Variants in COL27A1 observed in about 807,000 individuals in gnomAD.
The protein encoded by COL27A1 is collagen type XXVII alpha 1 chain.
Under a neutral mutation model 251.3 loss-of-function variants are expected in COL27A1, and 106 were observed. The observed-to-expected ratio is 0.42, with a 90% CI of 0.36 to 0.50. The LOEUF (loss-of-function observed/expected upper bound fraction) is 0.50. COL27A1 is among the 20% of genes least tolerant of loss of function. The pLI is 0.00. For synonymous variants in COL27A1, 1,000 were observed against 986.3 expected (o/e 1.01, Z -0.26); for missense variants, 2,325 against 2,522.8 (o/e 0.92, Z 1.68).
intron 37 of COL27A1, among the ~76,000 whole-genome samples, chr9:114,280,799 C>T (rs1276608342): frequency 6.6e-6 from 1 of 152,194 alleles, no homozygotes; most frequent in East Asian, 1.9e-4. Flanking sequence ...GGGATAGCGT[C>T]ATCTTTTCTG....
chr9:114,211,071 C>T, intron 12 of COL27A1, 45 bp downstream of exon 12: 1 of 1,600,298 alleles, frequency 6.2e-7, no homozygotes, highest in Non-Finnish European at 8.6e-7. Flanking sequence ...GCGGGGAACC[C>T]CACCTCCCAC....
intron 3 of COL27A1, among the ~76,000 whole-genome samples, chr9:114,175,075 C>T (rs12343445): frequency 1.0e-3 from 154 of 146,862 alleles, no homozygotes; most frequent in Non-Finnish European, 1.7e-3. Flanking sequence ...CTGGACACAA[C>T]GGTGGACTTG....
At chr9:114,307,499 A>G in intron 58 of COL27A1, 170 bp from the exon 59 acceptor site, 2 of 611,754 alleles carry the variant, frequency 3.3e-6, no homozygotes, top group Non-Finnish European at 2.9e-6. Context: ...AGCTCTGCCC[A>G]GAAGGTTTCC....
At chr9:114,209,611 G>T in intron 10 of COL27A1, 64 bp from the exon 11 acceptor site, 1 of 1,474,928 alleles carries the variant, frequency 6.8e-7, no homozygotes, top group Non-Finnish European at 9.5e-7. Context: ...GGTGGGCTGC[G>T]GCAGGTTGGG....
Position 114,245,848 on chromosome 9 carries a change from C to T in COL27A1, c.2935-18C>T, listed in dbSNP as rs370523649. 1.3e-4 allele frequency: 208 copies of T among 1,613,260 alleles called. No individual in the cohort carries two copies. Among genetic ancestry groups the T allele is most frequent in the Non-Finnish European group, 1.7e-4 (199 of 1,179,502 alleles). ...TCATCTCCCATCCCAATCCATCCTC[C>T]TCTTTGTCTCTTTGCAGGGGGAACC... On this transcript the variant is annotated intron_variant, in intron 23 of 60. Coordinates refer to ENST00000356083, the MANE Select transcript of COL27A1 (RefSeq NM_032888.4).
intron 12 of COL27A1, among the ~76,000 whole-genome samples, chr9:114,216,029 G>T (rs1191960842): frequency 6.6e-6 from 1 of 152,212 alleles, no homozygotes; most frequent in Non-Finnish European, 1.5e-5. Context: ...GCAGAAGAGT[G>T]GAGGAGATGG....
chr9:114,254,505 C>A (rs1315296100), intron 27 of COL27A1, among the ~76,000 whole-genome samples: 1 of 151,982 alleles, frequency 6.6e-6, no homozygotes, highest in Non-Finnish European at 1.5e-5. Context: ...GGCTGGGAGC[C>A]CAGTCCGAGG....
chr9:114,294,345 G>A (rs2131639710), intron 49 of COL27A1, among the ~76,000 whole-genome samples: 1 of 151,802 alleles, frequency 6.6e-6, no homozygotes, highest in Middle Eastern at 3.4e-3. Context: ...TTTCCTTGAG[G>A]CTGATTCTAC....
At chr9:114,269,063 A>C in intron 34 of COL27A1, 178 bp from the exon 35 acceptor site, 1 of 541,656 alleles carries the variant, frequency 1.8e-6, no homozygotes, top group Non-Finnish European at 3.3e-6. Context: ...GACAAGGCTT[A>C]CTTGGAACAG....
intron 37 of COL27A1, among the ~76,000 whole-genome samples, chr9:114,278,467 GTGA>G (rs1835678923): frequency 1.8e-5 from 2 of 113,672 alleles, no homozygotes; most frequent in Non-Finnish European, 3.9e-5. Context: ...GATGGTGGTG[GTGA>G]TGGTGGTGGT....
rs1831163386 is a variant in COL27A1 at position 114,222,242 on chromosome 9, GC to G, written c.2447del (p.Pro816LeufsTer10). On this transcript the variant is annotated frameshift_variant, in exon 14 of 61. Transcript: ENST00000356083. LOFTEE classifies it high-confidence loss of function. ...CTGCAGGGAGAACTGGGCCTGCCAG[GC>G]CCCCCTGGAGTCCCCGGCCTCATTG... is the stretch of plus-strand genomic sequence containing the variant. ...DGNPGELGLP[G>X]PPGVPGLIGD... 3.7e-6 allele frequency: 6 copies of G among 1,613,724 alleles called. No homozygotes were observed. Among genetic ancestry groups the G allele is most frequent in the Non-Finnish European group, 5.1e-6 (6 of 1,179,662 alleles).
intron 1 of COL27A1, among the ~76,000 whole-genome samples, chr9:114,156,628 A>G (rs1036291703): frequency 6.6e-6 from 1 of 151,974 alleles, no homozygotes; most frequent in Non-Finnish European, 1.5e-5. Flanking sequence ...TAAGAGAGAA[A>G]AAGTGAGAGC....
At chr9:114,236,310 T>C (rs1832396715) in intron 17 of COL27A1, among the ~76,000 whole-genome samples, 2 of 152,180 alleles carry the variant, frequency 1.3e-5, no homozygotes, top group African/African-American at 4.8e-5. Context: ...GACAGTGAGT[T>C]CCCTAAGAAC....
intron 3 of COL27A1, among the ~76,000 whole-genome samples, chr9:114,175,900 C>T (rs1020726470): frequency 1.3e-5 from 2 of 152,190 alleles, no homozygotes; most frequent in Non-Finnish European, 2.9e-5. Flanking sequence ...AGGAAATTAC[C>T]CCCACCTTGG....
Position 114,300,068 on chromosome 9 carries a change from A to G in COL27A1, c.4585-2A>G. The G allele has an allele frequency of 6.2e-7, 1 of 1,614,152 alleles. No homozygotes were observed. Among genetic ancestry groups the G allele is most frequent in the Non-Finnish European group, 8.5e-7 (1 of 1,179,996 alleles). On this transcript the variant is annotated splice_acceptor_variant, in intron 49 of 60. Coordinates refer to ENST00000356083, the MANE Select transcript of COL27A1 (RefSeq NM_032888.4). LOFTEE classifies it high-confidence loss of function. ...CTCCATCACTTCCTGTTCTTCCTGC[A>G]GGGCGACTCTGGCGAGATGGGCTTC...
chr9:114,309,546 T>A, intron 60 of COL27A1, 68 bp downstream of exon 60: 3 of 1,179,120 alleles, frequency 2.5e-6, no homozygotes, highest in Non-Finnish European at 3.7e-6. Context: ...TTTGGAAAAA[T>A]GTGTTTCTAT....
rs2135077472 is a variant in COL27A1, at chr9:114,168,425, G to A, written c.870G>A (p.Gly290=). Residue 290 remains glycine (G), a synonymous_variant, in exon 3 of 61, where the codon GGG becomes GGA. Transcript: ENST00000356083. ...GSLPAGRGPR[G]TVAPATPTKP... is the part of the protein sequence containing the mutation. ...TGCCAGCAGGCAGGGGACCCAGGGG[G>A]ACTGTGGCACCCGCCACGCCCACCA... 1.9e-6 allele frequency: 3 copies of A among 1,613,138 alleles called. No individual in the cohort carries two copies. The highest frequency in any genetic ancestry group is 2.5e-6 in the Non-Finnish European group (3 of 1,179,794).
chr9:114,301,787 C>A, intron 55 of COL27A1, 70 bp downstream of exon 55: 1 of 1,449,208 alleles, frequency 6.9e-7, no homozygotes, highest in East Asian at 2.3e-5. Context: ...CAAGGCTTCA[C>A]CGGCAGACTA....
At position 114,195,530 on chromosome 9, in the gene COL27A1, C is replaced by T. The variant is rs374736906; in HGVS notation, c.2071-429C>T. On this transcript the variant is annotated intron_variant, in intron 6 of 60. Transcript: ENST00000356083. ...CCCTCCTGCTCCTGTGTGGCCTGTT[C>T]TCAGGTCTTGGGGTGGTGGCAGAAA... 2.4e-4 allele frequency among the ~76,000 whole-genome samples: 36 copies of T among 152,322 alleles called. 1 individual carries two copies. The East Asian group carries it at 5.6e-3, about 24-fold the overall frequency.
Sources: allele counts gnomAD v4.1 joint callset (sites outside exome capture counted in the v4.1 genomes callset), GRCh38; gene constraint gnomAD v4.1.1; transcripts MANE v1.5; gene names NCBI Gene and HGNC (gene_info 2026-07-23, HGNC 2026-07-21).